The following SCOC variants were observed in gnomAD, a reference collection of about 807,000 sequenced individuals.
SCOC encodes the protein short coiled-coil protein.
In SCOC, 7 loss-of-function variants were observed where a neutral mutation model predicts 9.9. That is an observed-to-expected ratio of 0.71 (90% CI 0.40 to 1.33). The LOEUF (loss-of-function observed/expected upper bound fraction) is 1.33. Ranked by LOEUF, SCOC falls within the 40% of genes most tolerant of loss-of-function variation. SCOC has a pLI of 0.01. For synonymous variants in SCOC, 19 were observed against 28.2 expected, an observed-to-expected ratio of 0.67 and a Z score of 1.03; for missense variants, 66 against 89.7, an observed-to-expected ratio of 0.74 and a Z score of 1.07.
Position 140,374,322 on chromosome 4 carries a change from G to A in SCOC, c.-51+605G>A, listed in dbSNP as rs191479286. ...AGAGGATACATTCCTGAAAGGCAGG[G>A]CTTCTGTTATACAGTGTGTCAACCT... On this transcript the variant is annotated intron_variant, in intron 1 of 3. Coordinates refer to ENST00000608372, the MANE Select transcript of SCOC (RefSeq NM_001153484.2). The A allele has an allele frequency of 5.0e-5, 19 of 378,932 alleles. No homozygotes were observed. The East Asian group carries it at 1.4e-3, about 28-fold the overall frequency. 23.5% of individuals were successfully genotyped at this position (378,932 alleles called of 1,614,324 possible).
intron 1 of SCOC, among the ~76,000 whole-genome samples, chr4:140,332,215 T>C (rs1412987808): frequency 6.6e-6 from 1 of 152,104 alleles, no homozygotes; most frequent in African/African-American, 2.4e-5. Context: ...ATCCAAACCA[T>C]ATCAGATGTT....
At chr4:140,318,615 C>CT (rs1732402038) in intron 1 of SCOC, among the ~76,000 whole-genome samples, 1 of 127,386 alleles carries the variant, frequency 7.9e-6, no homozygotes, top group South Asian at 2.9e-4. Context: ...AATAGGAACA[C>CT]TTTTACACTG....
chr4:140,348,610 A>G (rs1726845798), intron 2 of SCOC, among the ~76,000 whole-genome samples: 1 of 151,432 alleles, frequency 6.6e-6, no homozygotes, highest in Non-Finnish European at 1.5e-5. Flanking sequence ...TTCTTTATTC[A>G]TCTGTCGACA....
Position 140,362,273 on chromosome 4 carries a change from C to CTT in SCOC, c.71-16848_71-16847insTT. 1.4e-3 allele frequency among the ~76,000 whole-genome samples: 40 copies of CTT among 29,078 alleles called. 10 individuals are homozygous for CTT. The highest frequency in any genetic ancestry group is 2.3e-3 in the Non-Finnish European group (30 of 13,234). The allele number at this position is 29,078 out of a possible 152,430, so 19.1% of individuals were successfully genotyped here. ...AAAGACCGGCTAAAGACAGGTGTGT[C>CTT]CTTACTTCTTCTTCTTCTTCTTCTT... On this transcript the variant is annotated intron_variant, in intron 2 of 4. Transcript: ENST00000338517.
rs138144062 is a variant in SCOC at position 140,385,019 on chromosome 4, CTG to C, written c.*3916_*3917del. ...TCTCTCAGACTTCCAGCTTCCAAAA[CTG>C]AGAAATAAATTTGTTTATAAGCCAC... is the stretch of plus-strand genomic sequence containing the variant. On this transcript the variant is annotated 3_prime_UTR_variant, in exon 4 of 4. Transcript: ENST00000608372. The C allele has an allele frequency of 0.038, 5,863 of 152,304 alleles. 141 individuals carry two copies. The highest frequency in any genetic ancestry group is 0.094 in the South Asian group (454 of 4,828). 9.4% of individuals were successfully genotyped at this position (152,304 alleles called of 1,614,324 possible). A position where few individuals can be genotyped will look rare whatever the true frequency, so the allele number is the denominator to read the frequency against.
At chr4:140,272,222 A>AT (rs10685796) in intron 1 of SCOC, among the ~76,000 whole-genome samples, 20,803 of 142,106 alleles carry the variant, frequency 0.15, 2,280 homozygotes, top group East Asian at 0.31. Context: ...CCTACCTTTA[A>AT]TTTTTTTTTT....
chr4:140,278,115 T>A (rs902197045), intron 1 of SCOC, among the ~76,000 whole-genome samples: 1 of 152,194 alleles, frequency 6.6e-6, no homozygotes, highest in Non-Finnish European at 1.5e-5. Flanking sequence ...CAAAATACTA[T>A]AGACTGGATA....
In SCOC at chr4:140,383,848, T is replaced by C. The variant is rs892391636; in HGVS notation, c.*2744T>C. ...CACAACCAAGCTTTTGACCAAATTCTCAAAGTATGTATTATTTTTGCCTTT... is the reference window on the plus strand; with the variant it reads ...CACAACCAAGCTTTTGACCAAATTCCCAAAGTATGTATTATTTTTGCCTTT... On this transcript the variant is annotated 3_prime_UTR_variant, in exon 4 of 4. Transcript: ENST00000608372. 6.6e-6 allele frequency: 1 copy of C among 152,220 alleles called. No individual in the cohort carries two copies. Among genetic ancestry groups the C allele is most frequent in the African/African-American group, 2.4e-5 (1 of 41,464 alleles). 9.4% of individuals were successfully genotyped at this position (152,220 alleles called of 1,614,324 possible). A position where few individuals can be genotyped will look rare whatever the true frequency, so the allele number is the denominator to read the frequency against.
At chr4:140,306,254 G>C (rs1015647934) in intron 1 of SCOC, among the ~76,000 whole-genome samples, 1 of 152,072 alleles carries the variant, frequency 6.6e-6, no homozygotes, top group African/African-American at 2.4e-5. Context: ...CTCGTGAGAC[G>C]TGTTCACTAT....
At chr4:140,353,198 C>T (rs1409935679) in intron 2 of SCOC, among the ~76,000 whole-genome samples, 1 of 152,032 alleles carries the variant, frequency 6.6e-6, no homozygotes, top group African/African-American at 2.4e-5. Flanking sequence ...GGACACGGGC[C>T]CCAAAAGAAC....
intron 1 of SCOC, chr4:140,293,234 GC>G: frequency 2.2e-6 from 1 of 446,972 alleles, no homozygotes; most frequent in Non-Finnish European, 4.5e-6. Context: ...GCCACTAGGT[GC>G]CAGGGAATAA....
At chr4:140,362,283 T>C (rs1304797452) in intron 2 of SCOC, among the ~76,000 whole-genome samples, 11 of 17,342 alleles carry the variant, frequency 6.3e-4, no homozygotes, top group Non-Finnish European at 7.5e-4. Flanking sequence ...CCTTACTTCT[T>C]CTTCTTCTTC....
intron 1 of SCOC, among the ~76,000 whole-genome samples, chr4:140,318,734 A>G (rs1477580732): frequency 1.3e-5 from 2 of 149,012 alleles, no homozygotes; most frequent in South Asian, 2.2e-4. Flanking sequence ...TACTGGGTAT[A>G]TACCCAAATG....
chr4:140,354,746 G>C (rs1474829128), intron 2 of SCOC, among the ~76,000 whole-genome samples: 1 of 151,652 alleles, frequency 6.6e-6, no homozygotes, highest in Non-Finnish European at 1.5e-5. Flanking sequence ...GAGGGAGGAA[G>C]ATTAATGCAG....
chr4:140,330,493 C>A (rs1296701392), intron 1 of SCOC, among the ~76,000 whole-genome samples: 1 of 152,000 alleles, frequency 6.6e-6, no homozygotes, highest in Non-Finnish European at 1.5e-5. Context: ...ATTAAGGTTC[C>A]CATAATTTAT....
In SCOC at chr4:140,291,331, A is replaced by T. The variant is rs10010422; in HGVS notation, c.-19+33921A>T. 2.6e-3 allele frequency: 1,162 copies of T among 445,708 alleles called. 7 individuals carry two copies. The highest frequency in any genetic ancestry group is 0.017 in the African/African-American group (861 of 49,844). 27.6% of individuals were successfully genotyped at this position (445,708 alleles called of 1,614,324 possible). On this transcript the variant is annotated intron_variant, in intron 1 of 4. Transcript: ENST00000394205. Reference sequence around the variant, plus strand: ...ATTTGTCTTTTACTTTAGAGATTATATCCTGGAGTCCTAAAGACTTCACGT... The same window carrying T: ...ATTTGTCTTTTACTTTAGAGATTATTTCCTGGAGTCCTAAAGACTTCACGT...
intron 2 of SCOC, among the ~76,000 whole-genome samples, chr4:140,362,149 T>C (rs1404460928): frequency 1.3e-5 from 2 of 151,138 alleles, no homozygotes; most frequent in African/African-American, 4.8e-5. Flanking sequence ...AGCCTGGCCA[T>C]ATCTTTGCTT....
rs117418850 is a variant in SCOC, at chr4:140,299,063, T to C, written c.-19+41653T>C. 2.1e-3 allele frequency among the ~76,000 whole-genome samples: 322 copies of C among 152,266 alleles called. 11 individuals carry two copies. The East Asian group carries it at 0.052, about 25-fold the overall frequency. On this transcript the variant is annotated intron_variant, in intron 1 of 4. Transcript: ENST00000394205. ...AAACTCCTAGCCTTGGGCAATCCTC[T>C]CACCTCAGCCTCCCAAAGCTCTGGG...
At chr4:140,370,992 T>C (rs987149247), upstream of SCOC, among the ~76,000 whole-genome samples, 1 of 151,502 alleles carries the variant, frequency 6.6e-6, no homozygotes, top group Non-Finnish European at 1.5e-5. Context: ...TTCATGCCAC[T>C]CTCCTGCCTC....
Sources: allele counts gnomAD v4.1 joint callset (sites outside exome capture counted in the v4.1 genomes callset), GRCh38; gene constraint gnomAD v4.1.1; transcripts MANE v1.5; gene names NCBI Gene and HGNC (gene_info 2026-07-23, HGNC 2026-07-21).